Variants in IL9R observed in about 807,000 individuals in gnomAD.
IL9R encodes interleukin-9 receptor.
IL9R carries 54 observed loss-of-function variants against 56.3 expected under a neutral mutation model. The observed-to-expected ratio is 0.96, with a 90% CI of 0.77 to 1.20. IL9R has a LOEUF of 1.20. Among genes scored for constraint, IL9R ranks in the 50% most tolerant of loss-of-function variants. IL9R has a pLI of 0.00. For synonymous variants in IL9R, 212 were observed against 250.2 expected (o/e 0.85, Z 1.44); for missense variants, 545 against 629.8 (o/e 0.87, Z 1.44).
At chrX:155,999,888 G>A (rs907319930) in intron 1 of IL9R, among the ~76,000 whole-genome samples, 13 of 152,110 alleles carry the variant, frequency 8.5e-5, no homozygotes, top group African/African-American at 3.1e-4. Context: ...CACTTTGGGA[G>A]GCCAAAGCAG....
At position 156,003,005 on chromosome X, in the gene IL9R, C is replaced by G. The variant is rs1488196813; in HGVS notation, c.128C>G (p.Thr43Arg). The change falls in exon 2 of 9, where the codon ACA (threonine) becomes AGA (arginine). Residue 43 changes from threonine to arginine, a missense_variant. By Grantham distance (71) the Thr-to-Arg change is moderately conservative. Coordinates refer to ENST00000244174, the MANE Select transcript of IL9R (RefSeq NM_002186.3). ...TGTGTCTGCTTGGGAGTCTCTGTCACAGGGGAAGGACAAGGTGAGGGCTGG... is the reference window on the plus strand; with the variant it reads ...TGTGTCTGCTTGGGAGTCTCTGTCAGAGGGGAAGGACAAGGTGAGGGCTGG... ...CTCVCLGVSV[T>R]GEGQGPRSRT... The G allele has an allele frequency of 1.2e-6, 2 of 1,613,790 alleles. No homozygotes were observed. The highest frequency in any genetic ancestry group is 1.7e-6 in the Non-Finnish European group (2 of 1,179,826).
intron 1 of IL9R, among the ~76,000 whole-genome samples, chrX:156,000,370 C>A (rs2067436166): frequency 1.3e-5 from 2 of 152,070 alleles, no homozygotes; most frequent in Non-Finnish European, 2.9e-5. Context: ...CCCAGGGAAG[C>A]AGGGCAGGCA....
At chrX:156,003,895 A>C in intron 4 of IL9R, 40 bp downstream of exon 4, 2 of 1,606,558 alleles carry the variant, frequency 1.2e-6, no homozygotes, top group African/African-American at 2.7e-5. Context: ...GCCGCTTGGC[A>C]AGAACATCCT....
intron 6 of IL9R, among the ~76,000 whole-genome samples, chrX:156,005,759 C>T (rs1461889791): frequency 6.6e-6 from 1 of 152,112 alleles, no homozygotes; most frequent in East Asian, 1.9e-4. Flanking sequence ...GGAGGCTGGA[C>T]ATGACCTCAG....
intron 1 of IL9R, among the ~76,000 whole-genome samples, chrX:156,000,594 T>C (rs1361641682): frequency 5.9e-5 from 9 of 152,144 alleles, no homozygotes; most frequent in Non-Finnish European, 1.3e-4. Context: ...AGACACTGGT[T>C]TCCCCTCCTG....
intron 8 of IL9R, among the ~76,000 whole-genome samples, chrX:156,009,429 TTG>T (rs754546109): frequency 5.4e-4 from 72 of 133,912 alleles, no homozygotes; most frequent in South Asian, 9.7e-4. Context: ...TTGTGTATGT[TTG>T]TGTGTGTGTG....
At chrX:156,008,987 A>ATGTCTGTGTGTGTTT (rs2068211360) in intron 8 of IL9R, among the ~76,000 whole-genome samples, 3 of 55,974 alleles carry the variant, frequency 5.4e-5, no homozygotes, top group Admixed American at 3.3e-4. Flanking sequence ...GTGTGTGTTT[A>ATGTCTGTGTGTGTTT]AGTCTGTGTG....
intron 1 of IL9R, among the ~76,000 whole-genome samples, chrX:156,000,259 T>G (rs989866929): frequency 4.4e-4 from 67 of 151,994 alleles, no homozygotes; most frequent in Non-Finnish European, 4.7e-4. Context: ...GGCACAGAGA[T>G]GCTCAGGGCT....
chrX:156,000,947 T>G (rs1377551848), intron 1 of IL9R, among the ~76,000 whole-genome samples: 1 of 152,178 alleles, frequency 6.6e-6, no homozygotes, highest in African/African-American at 2.4e-5. Context: ...TTTCTTCATC[T>G]GTAGGAGGGT....
intron 2 of IL9R, 89 bp from the exon 3 acceptor site, chrX:156,003,360 G>T: frequency 1.1e-6 from 1 of 906,010 alleles, no homozygotes; most frequent in East Asian, 2.4e-5. Flanking sequence ...TGCCCTGCTA[G>T]GGTGTCAGCT....
intron 7 of IL9R, among the ~76,000 whole-genome samples, chrX:156,006,630 G>A (rs776807755): frequency 2.0e-5 from 3 of 151,806 alleles, no homozygotes; most frequent in East Asian, 3.9e-4. Flanking sequence ...GATGGACAAG[G>A]GCCCTCCTTA....
intron 2 of IL9R, 135 bp from the exon 3 acceptor site, chrX:156,003,313 CT>C: frequency 1.4e-6 from 1 of 717,648 alleles, no homozygotes; most frequent in Non-Finnish European, 2.5e-6. Flanking sequence ...CCTCCCAGTG[CT>C]TCCCTGGACA....
At chrX:156,003,079 G>A in intron 2 of IL9R, 60 bp downstream of exon 2, 6 of 1,605,308 alleles carry the variant, frequency 3.7e-6, no homozygotes, top group Non-Finnish European at 8.5e-7. Flanking sequence ...ATGTTTGGGG[G>A]ACTGGGTTGT....
chrX:156,010,530 T>C lies in IL9R; in HGVS notation c.*121T>C. Reference sequence around the variant, plus strand: ...CCTAGCAGCGGTCAGAGGTCCTGTCTGGATGGAGGCTGGAGGCTCCCCCCT... The same window carrying C: ...CCTAGCAGCGGTCAGAGGTCCTGTCCGGATGGAGGCTGGAGGCTCCCCCCT... On this transcript the variant is annotated 3_prime_UTR_variant, in exon 9 of 9. Transcript: ENST00000244174. 1.2e-5 allele frequency: 4 copies of C among 345,482 alleles called. No individual in the cohort carries two copies. The highest frequency in any genetic ancestry group is 1.3e-5 in the Non-Finnish European group (3 of 223,414). 21.4% of individuals were successfully genotyped at this position (345,482 alleles called of 1,614,324 possible).
At chrX:156,001,201 G>A (rs2067498055) in intron 1 of IL9R, 1 of 617,342 alleles carries the variant, frequency 1.6e-6, no homozygotes, top group Non-Finnish European at 2.9e-6. Context: ...CTGCTCCTGG[G>A]TTAGCCTGTG....
At chrX:156,009,266 TTGTG>T (rs1569479099) in intron 8 of IL9R, among the ~76,000 whole-genome samples, 10 of 32,780 alleles carry the variant, frequency 3.1e-4, no homozygotes, top group South Asian at 1.3e-3. Context: ...GTGTGTGTGT[TTGTG>T]TGTGTATGTC....
At chrX:156,001,877 C>T (rs892644243) in intron 1 of IL9R, among the ~76,000 whole-genome samples, 1 of 152,202 alleles carries the variant, frequency 6.6e-6, no homozygotes, top group Non-Finnish European at 1.5e-5. Flanking sequence ...GCTCCAGCAT[C>T]CGGGGGCTTT....
intron 1 of IL9R, among the ~76,000 whole-genome samples, chrX:156,000,555 G>A (rs749773677): frequency 3.3e-5 from 5 of 152,230 alleles, no homozygotes; most frequent in Non-Finnish European, 7.3e-5. Flanking sequence ...GGGACTGGGG[G>A]TGTCAGGGGC....
rs759130486 is a variant in IL9R, at chrX:155,998,715, G to A, written c.28+928G>A. 3.9e-5 allele frequency among the ~76,000 whole-genome samples: 6 copies of A among 152,160 alleles called. No individual in the cohort carries two copies. In the East Asian group the frequency reaches 1.2e-3, roughly 29 times the overall value. ...CCAGAAGCAAGGGCAGCCTCTGCAG[G>A]TGGGGCGGGGGTTGGAAAACATTTA... On this transcript the variant is annotated intron_variant, in intron 1 of 8. Coordinates refer to ENST00000244174, the MANE Select transcript of IL9R (RefSeq NM_002186.3).
Sources: gnomAD v4.1 joint callset for allele counts (sites outside exome capture counted in the v4.1 genomes callset) on GRCh38, gnomAD v4.1.1 for gene constraint, MANE v1.5 for transcripts, NCBI Gene and HGNC (gene_info 2026-07-23, HGNC 2026-07-21) for gene names.